EBPL: variants seen among roughly 807,000 people sequenced by gnomAD.
The protein encoded by EBPL is EBP like.
In EBPL, 20 loss-of-function variants were observed where a neutral mutation model predicts 19.0. That is an observed-to-expected ratio of 1.05 (90% CI 0.74 to 1.53). EBPL has a LOEUF of 1.53. EBPL is among the 40% of genes most tolerant of loss of function. EBPL has a pLI of 0.00. For missense variants in EBPL, 219 were observed against 261.1 expected, an observed-to-expected ratio of 0.84 and a Z score of 1.11; for synonymous variants, 107 against 117.0, an observed-to-expected ratio of 0.91 and a Z score of 0.55.
chr13:49,683,795 T>C (rs1292027406), intron 1 of EBPL, among the ~76,000 whole-genome samples: 1 of 152,162 alleles, frequency 6.6e-6, no homozygotes, highest in East Asian at 1.9e-4. Context: ...GAAAGCAGGA[T>C]GGCAGTTTCT....
intron 1 of EBPL, among the ~76,000 whole-genome samples, chr13:49,686,756 C>CT (rs1954002968): frequency 6.6e-6 from 1 of 152,160 alleles, no homozygotes; most frequent in African/African-American, 2.4e-5. Context: ...GACTCTGTCT[C>CT]TCCAACTCAA....
chr13:49,677,533 A>G (rs1233475036), intron 1 of EBPL, among the ~76,000 whole-genome samples: 3 of 152,174 alleles, frequency 2.0e-5, no homozygotes, highest in Admixed American at 2.0e-4. Context: ...TCTCATCAAT[A>G]AAGACGCCAT....
chr13:49,677,193 T>C (rs1953886263), intron 1 of EBPL, among the ~76,000 whole-genome samples: 2 of 152,156 alleles, frequency 1.3e-5, no homozygotes, highest in Non-Finnish European at 2.9e-5. Flanking sequence ...CTTTTCTTCA[T>C]GAAGTAGGTA....
chr13:49,683,131 G>A (rs553240247), intron 1 of EBPL, among the ~76,000 whole-genome samples: 4 of 151,888 alleles, frequency 2.6e-5, no homozygotes, highest in African/African-American at 4.8e-5. Context: ...GCACTGCCAC[G>A]CCTGGCTAAT....
intron 1 of EBPL, among the ~76,000 whole-genome samples, chr13:49,671,924 G>A (rs533123360): frequency 5.9e-5 from 9 of 152,274 alleles, no homozygotes; most frequent in African/African-American, 1.7e-4. Context: ...TAACAAATCC[G>A]TTTCCTTTTA....
intron 1 of EBPL, among the ~76,000 whole-genome samples, chr13:49,684,606 C>T (rs991123669): frequency 6.6e-6 from 1 of 152,176 alleles, no homozygotes; most frequent in African/African-American, 2.4e-5. Context: ...ACCCAGGAGG[C>T]AGAGGCTGTG....
At chr13:49,686,381 C>A in intron 1 of EBPL, 2 of 1,185,146 alleles carry the variant, frequency 1.7e-6, no homozygotes, top group Admixed American at 7.0e-5. Context: ...TGCCCAGCTT[C>A]TCCTCTACCT....
At chr13:49,662,859 C>T (rs1343147454) in intron 3 of EBPL, among the ~76,000 whole-genome samples, 198 bp downstream of exon 3, 1 of 152,070 alleles carries the variant, frequency 6.6e-6, no homozygotes, top group Non-Finnish European at 1.5e-5. Flanking sequence ...TGGTCTCAAA[C>T]TCCTGGGATC....
intron 2 of EBPL, among the ~76,000 whole-genome samples, chr13:49,664,852 AT>A (rs1219747151): frequency 6.6e-6 from 1 of 152,122 alleles, no homozygotes; most frequent in African/African-American, 2.4e-5. Flanking sequence ...ATTTAATGGG[AT>A]AACACACAAG....
chr13:49,667,562 T>C (rs1566314075), intron 2 of EBPL, among the ~76,000 whole-genome samples: 1 of 152,238 alleles, frequency 6.6e-6, no homozygotes, highest in Non-Finnish European at 1.5e-5. Context: ...TGGGGCACTT[T>C]GGAGTCTGGG....
At chr13:49,685,063 G>A (rs1039780632) in intron 1 of EBPL, among the ~76,000 whole-genome samples, 29 of 150,566 alleles carry the variant, frequency 1.9e-4, no homozygotes, top group African/African-American at 6.8e-4. Context: ...ATGCTACCAC[G>A]CCTGGCTAAT....
At position 49,686,341 on chromosome 13, in the gene EBPL, C is replaced by T; in HGVS notation, c.171+4913G>A. 2 of 1,009,866 alleles carry T rather than the reference C, an allele frequency of 2.0e-6. 1 individual carries two copies. Among genetic ancestry groups the T allele is most frequent in the South Asian group, 3.4e-5 (2 of 58,722 alleles). The allele number at this position is 1,009,866 out of a possible 1,614,324, so 62.6% of individuals were successfully genotyped here. A position where few individuals can be genotyped will look rare whatever the true frequency, so the allele number is the denominator to read the frequency against. On this transcript the variant is annotated intron_variant, in intron 1 of 3. Transcript: ENST00000242827. ...ACCCTCCTGCTCTTCCTCCGCCCAC[C>T]ACCAAACCTCCTGCAGGGCTTTCAT...
At chr13:49,685,402 CG>C (rs1246186216) in intron 1 of EBPL, among the ~76,000 whole-genome samples, 3 of 152,098 alleles carry the variant, frequency 2.0e-5, no homozygotes, top group Admixed American at 2.0e-4. Context: ...TCCCCAAAAG[CG>C]TAATAAAGTG....
At chr13:49,674,811 G>A (rs952348795) in intron 1 of EBPL, among the ~76,000 whole-genome samples, 1 of 152,166 alleles carries the variant, frequency 6.6e-6, no homozygotes, top group Non-Finnish European at 1.5e-5. Context: ...ATGGTGTGAG[G>A]CCCGTGGGTC....
Position 49,669,776 on chromosome 13 carries a change from C to T in EBPL, c.241+1G>A. The stretch of plus-strand genomic sequence containing the variant: ...AAACGCAAACGTTTTTAATTACTTA[C>T]ATAAAGAAGCAATCAAGCCATCGGA... On this transcript the variant is annotated splice_donor_variant, in intron 2 of 3. Coordinates refer to ENST00000242827, the MANE Select transcript of EBPL (RefSeq NM_032565.5). LOFTEE classifies it high-confidence loss of function. The T allele has an allele frequency of 6.2e-7, 1 of 1,613,690 alleles. No individual in the cohort carries two copies. Among genetic ancestry groups the T allele is most frequent in the Non-Finnish European group, 8.5e-7 (1 of 1,179,660 alleles).
At chr13:49,683,427 A>C (rs1040690778) in intron 1 of EBPL, among the ~76,000 whole-genome samples, 1 of 151,884 alleles carries the variant, frequency 6.6e-6, no homozygotes, top group Non-Finnish European at 1.5e-5. Context: ...GCTACTTGGG[A>C]GGCTGAGGCA....
At chr13:49,690,430 A>C (rs11619608) in intron 1 of EBPL, among the ~76,000 whole-genome samples, 75,165 of 147,220 alleles carry the variant, frequency 0.51, 19,920 homozygotes, top group South Asian at 0.63. Flanking sequence ...AAAAAAAAAA[A>C]AAACAAACTG....
chr13:49,675,686 G>A (rs1306043879), intron 1 of EBPL, among the ~76,000 whole-genome samples: 1 of 152,154 alleles, frequency 6.6e-6, no homozygotes, highest in Non-Finnish European at 1.5e-5. Flanking sequence ...TGGAGTGCCT[G>A]GTTTCAATTC....
At chr13:49,683,555 C>G (rs142732527) in intron 1 of EBPL, among the ~76,000 whole-genome samples, 1 of 50,358 alleles carries the variant, frequency 2.0e-5, no homozygotes, top group Non-Finnish European at 8.4e-5. Context: ...ACAAAAAAAA[C>G]AAAAACAAAA....
Sources: gnomAD v4.1 joint callset for allele counts (sites outside exome capture counted in the v4.1 genomes callset) on GRCh38, gnomAD v4.1.1 for gene constraint, MANE v1.5 for transcripts, NCBI Gene and HGNC (gene_info 2026-07-23, HGNC 2026-07-21) for gene names.